FARS2: variants seen among roughly 807,000 people sequenced by gnomAD.
FARS2 encodes the protein phenylalanine--tRNA ligase, mitochondrial.
Under a neutral mutation model 46.4 loss-of-function variants are expected in FARS2, and 40 were observed. The ratio of observed to expected loss-of-function variants is 0.86; its 90% confidence interval spans 0.67 to 1.12. FARS2 has a LOEUF of 1.12. FARS2 is among the 50% of genes most tolerant of loss of function. The pLI is 0.00. For missense variants in FARS2, 513 were observed against 567.9 expected, an observed-to-expected ratio of 0.90 and a Z score of 0.98; for synonymous variants, 234 against 214.9, an observed-to-expected ratio of 1.09 and a Z score of -0.78.
At chr6:5,655,309 A>G (rs1033296644) in intron 6 of FARS2, among the ~76,000 whole-genome samples, 17 of 152,128 alleles carry the variant, frequency 1.1e-4, no homozygotes, top group Admixed American at 9.2e-4. Context: ...CCTTTTTAGC[A>G]TGATTGATTT....
intron 4 of FARS2, among the ~76,000 whole-genome samples, chr6:5,528,675 T>C (rs1018174071): frequency 7.9e-5 from 12 of 152,188 alleles, no homozygotes; most frequent in Admixed American, 3.9e-4. Context: ...CAGGCACTTA[T>C]GCTCTTCACA....
chr6:5,541,323 A>C (rs1178058225), intron 4 of FARS2, among the ~76,000 whole-genome samples: 1 of 152,194 alleles, frequency 6.6e-6, no homozygotes, highest in Non-Finnish European at 1.5e-5. Flanking sequence ...TTGAAATGCC[A>C]GTTTGTTGAA....
chr6:5,668,513 A>C (rs1778262608), intron 6 of FARS2, among the ~76,000 whole-genome samples: 1 of 152,164 alleles, frequency 6.6e-6, no homozygotes, highest in Non-Finnish European at 1.5e-5. Context: ...AATTAAATGA[A>C]TTGAGGTTTA....
intron 4 of FARS2, among the ~76,000 whole-genome samples, chr6:5,494,701 C>T (rs983688730): frequency 6.6e-6 from 1 of 152,128 alleles, no homozygotes; most frequent in Non-Finnish European, 1.5e-5. Context: ...TTTATCATTC[C>T]CATGTCTCCC....
chr6:5,591,270 A>G (rs1773902664), intron 5 of FARS2, among the ~76,000 whole-genome samples: 1 of 152,264 alleles, frequency 6.6e-6, no homozygotes, highest in Non-Finnish European at 1.5e-5. Flanking sequence ...ACTAAGGCCA[A>G]GTAACAGCAG....
At chr6:5,728,867 G>A (rs1030316777) in intron 6 of FARS2, among the ~76,000 whole-genome samples, 1 of 152,170 alleles carries the variant, frequency 6.6e-6, no homozygotes, top group South Asian at 2.1e-4. Flanking sequence ...ACGTTGCAGG[G>A]ACTGCCTGCC....
At chr6:5,741,940 C>T (rs2150952928) in intron 6 of FARS2, among the ~76,000 whole-genome samples, 1 of 152,356 alleles carries the variant, frequency 6.6e-6, no homozygotes, top group Non-Finnish European at 1.5e-5. Flanking sequence ...GCATGAGCCA[C>T]CACGCCCAGC....
chr6:5,283,476 G>C (rs1164655845), intron 1 of FARS2, among the ~76,000 whole-genome samples: 1 of 150,686 alleles, frequency 6.6e-6, no homozygotes, highest in Non-Finnish European at 1.5e-5. Flanking sequence ...TTGAACCCAG[G>C]AGGTGGAAGC....
At chr6:5,548,771 T>G (rs538409732) in intron 5 of FARS2, among the ~76,000 whole-genome samples, 1 of 152,354 alleles carries the variant, frequency 6.6e-6, no homozygotes, top group Admixed American at 6.5e-5. Flanking sequence ...TGTCATTTTT[T>G]TTCTCCTTTC....
chr6:5,589,785 A>G (rs1245636039), intron 5 of FARS2, among the ~76,000 whole-genome samples: 1 of 152,178 alleles, frequency 6.6e-6, no homozygotes, highest in Non-Finnish European at 1.5e-5. Context: ...CCAAGTAGAT[A>G]TTTTATTTTT....
chr6:5,318,416 G>T, intron 1 of FARS2, among the ~76,000 whole-genome samples: 1 of 128,128 alleles, frequency 7.8e-6, no homozygotes. Flanking sequence ...AACCCTACAA[G>T]ATAATGAGGA....
At chr6:5,483,472 A>G (rs868397974) in intron 4 of FARS2, among the ~76,000 whole-genome samples, 71 of 152,128 alleles carry the variant, frequency 4.7e-4, no homozygotes, top group African/African-American at 1.5e-3. Flanking sequence ...GGTCAAGATC[A>G]GCCTGGCCAA....
At chr6:5,408,270 C>G (rs1761729611) in intron 3 of FARS2, among the ~76,000 whole-genome samples, 1 of 152,130 alleles carries the variant, frequency 6.6e-6, no homozygotes, top group Admixed American at 6.5e-5. Flanking sequence ...CTGGAAGGCT[C>G]CTGCTGAGGC....
intron 2 of FARS2, among the ~76,000 whole-genome samples, chr6:5,381,428 G>T (rs1225074813): frequency 7.2e-6 from 1 of 139,364 alleles, no homozygotes; most frequent in African/African-American, 2.5e-5. Flanking sequence ...CACAGATGCA[G>T]AATTTTTTAT....
intron 6 of FARS2, among the ~76,000 whole-genome samples, chr6:5,660,715 A>G (rs1408151856): frequency 6.6e-6 from 1 of 151,818 alleles, no homozygotes; most frequent in African/African-American, 2.4e-5. Context: ...GGCCAGGGAG[A>G]GAAGAGCATT....
intron 4 of FARS2, among the ~76,000 whole-genome samples, chr6:5,453,326 C>CA (rs1240975553): frequency 9.9e-5 from 15 of 151,994 alleles, no homozygotes; most frequent in African/African-American, 3.4e-4. Flanking sequence ...TCAGTTGCCA[C>CA]AAAAAAGCAT....
intron 4 of FARS2, among the ~76,000 whole-genome samples, chr6:5,474,669 T>TG (rs1178723264): frequency 6.7e-6 from 1 of 150,032 alleles, no homozygotes; most frequent in South Asian, 2.2e-4. Flanking sequence ...TACTGTTTTT[T>TG]TTTTTTTTTT....
chr6:5,281,631 C>T (rs974749363), intron 1 of FARS2, among the ~76,000 whole-genome samples: 1 of 151,354 alleles, frequency 6.6e-6, no homozygotes, highest in Non-Finnish European at 1.5e-5. Context: ...ATTCTCCCAC[C>T]CCCCCTGCCC....
At chr6:5,253,268 A>G in the FARS2 span, among the ~76,000 whole-genome samples, 1 of 152,362 alleles carries the variant, frequency 6.6e-6, no homozygotes, top group South Asian at 2.1e-4. Context: ...AGAGGGATAC[A>G]TTGAATATAA....
Sources: allele counts gnomAD v4.1 joint callset (sites outside exome capture counted in the v4.1 genomes callset), GRCh38; gene constraint gnomAD v4.1.1; transcripts MANE v1.5; gene names NCBI Gene and HGNC (gene_info 2026-07-23, HGNC 2026-07-21).